Variants in SRGAP1 observed in about 807,000 individuals in gnomAD.
SRGAP1 encodes the protein SLIT-ROBO Rho GTPase activating protein 1.
In SRGAP1, 43 loss-of-function variants were observed where a neutral mutation model predicts 121.9. The observed-to-expected ratio is 0.35, with a 90% CI of 0.28 to 0.46. The LOEUF (loss-of-function observed/expected upper bound fraction) is 0.46, where lower values mean the gene tolerates loss of function less well. Ranked by LOEUF, SRGAP1 falls within the 20% of genes least tolerant of loss-of-function variation. The pLI is 1.00. For synonymous variants in SRGAP1, 447 were observed against 485.4 expected (o/e 0.92, Z 1.04); for missense variants, 1,102 against 1,350.9 (o/e 0.82, Z 2.89).
At chr12:64,054,377 A>C (rs2035298740) in intron 6 of SRGAP1, among the ~76,000 whole-genome samples, 1 of 152,202 alleles carries the variant, frequency 6.6e-6, no homozygotes, top group African/African-American at 2.4e-5. Flanking sequence ...TTTTCTGAAT[A>C]ATCAGCTACG....
At chr12:63,997,290 G>A (rs1388129207) in intron 3 of SRGAP1, among the ~76,000 whole-genome samples, 4 of 152,104 alleles carry the variant, frequency 2.6e-5, no homozygotes, top group Admixed American at 2.6e-4. Context: ...CCTAGGAACA[G>A]TAGATTATAC....
At chr12:63,875,691 T>C (rs1367262985) in intron 1 of SRGAP1, among the ~76,000 whole-genome samples, 2 of 152,192 alleles carry the variant, frequency 1.3e-5, no homozygotes, top group African/African-American at 4.8e-5. Context: ...ACTTGGAAGG[T>C]ATTTTGGTGG....
chr12:64,005,027 T>G (rs2034036513), intron 3 of SRGAP1, among the ~76,000 whole-genome samples: 1 of 152,212 alleles, frequency 6.6e-6, no homozygotes, highest in Non-Finnish European at 1.5e-5. Flanking sequence ...AAATATGCAT[T>G]TGCAGAAGAG....
At chr12:63,856,453 A>G (rs1213305768) in intron 1 of SRGAP1, among the ~76,000 whole-genome samples, 2 of 152,138 alleles carry the variant, frequency 1.3e-5, no homozygotes, top group Non-Finnish European at 2.9e-5. Flanking sequence ...CTTTCGGCGT[A>G]TGTTTTTAAT....
chr12:64,088,452 T>C (rs750414016), intron 11 of SRGAP1, among the ~76,000 whole-genome samples: 3 of 152,220 alleles, frequency 2.0e-5, no homozygotes, highest in African/African-American at 7.2e-5. Context: ...AGAGCTATAA[T>C]TGCCAAATAG....
chr12:63,903,134 C>A (rs572707288), intron 1 of SRGAP1, among the ~76,000 whole-genome samples: 98 of 152,036 alleles, frequency 6.4e-4, no homozygotes, highest in Non-Finnish European at 1.1e-3. Flanking sequence ...ATTTTAAGCA[C>A]GCTTTCAAGT....
intron 1 of SRGAP1, among the ~76,000 whole-genome samples, chr12:63,958,336 C>T (rs761139226): frequency 2.0e-5 from 3 of 152,102 alleles, no homozygotes; most frequent in African/African-American, 4.8e-5. Flanking sequence ...AGGGATGGTT[C>T]GGTTTACTCC....
chr12:64,068,246 C>G (rs1169658686), intron 8 of SRGAP1, among the ~76,000 whole-genome samples: 1 of 141,498 alleles, frequency 7.1e-6, no homozygotes, highest in African/African-American at 2.7e-5. Flanking sequence ...GCACTCCAGC[C>G]TGGGCAACAG....
At chr12:63,990,402 C>T (rs976958540) in intron 3 of SRGAP1, among the ~76,000 whole-genome samples, 25 of 152,044 alleles carry the variant, frequency 1.6e-4, no homozygotes, top group Admixed American at 1.1e-3. Flanking sequence ...CGTGGTGGCG[C>T]TTGCCTGTAG....
chr12:63,878,640 T>C (rs1900099856), intron 1 of SRGAP1: 1 of 152,226 alleles, frequency 6.6e-6, no homozygotes, highest in Admixed American at 6.5e-5. Context: ...ACGGTAGGGA[T>C]GATAGGGAAT....
Position 63,913,191 on chromosome 12 carries a change from CTTCTTTTTTTTT to C in SRGAP1, c.67+68311_67+68322del, listed in dbSNP as rs1466258862. On this transcript the variant is annotated intron_variant, in intron 1 of 21. Transcript: ENST00000355086. ...AGTGCAACCAATTTTCTGGTAAATC[CTTCTTTTTTTTT>C]TTTTTTTTTTTTTTTTTTTTTGAGA... Among the ~76,000 whole-genome samples, 22 of 111,812 alleles carry C rather than the reference CTTCTTTTTTTTT, an allele frequency of 2.0e-4. 1 individual carries two copies. The highest frequency in any genetic ancestry group is 4.3e-4 in the Admixed American group (4 of 9,346). 73.4% of individuals were successfully genotyped at this position (111,812 alleles called of 152,430 possible).
intron 1 of SRGAP1, among the ~76,000 whole-genome samples, chr12:63,962,362 C>T (rs2032667151): frequency 6.6e-6 from 1 of 152,188 alleles, no homozygotes; most frequent in Non-Finnish European, 1.5e-5. Context: ...AGAATTACCA[C>T]TTGTTCTAAC....
chr12:64,047,560 G>A (rs138586243), intron 6 of SRGAP1, among the ~76,000 whole-genome samples: 91 of 152,244 alleles, frequency 6.0e-4, no homozygotes, highest in African/African-American at 2.1e-3. Flanking sequence ...GACATGAAAG[G>A]CAGTAAATGT....
intron 1 of SRGAP1, among the ~76,000 whole-genome samples, chr12:63,954,128 C>T (rs559630545): frequency 6.6e-6 from 1 of 152,214 alleles, no homozygotes; most frequent in African/African-American, 2.4e-5. Flanking sequence ...TTGTTTTGCT[C>T]AACAAACTGT....
intron 21 of SRGAP1, among the ~76,000 whole-genome samples, chr12:64,139,221 T>C (rs1290261963): frequency 6.6e-6 from 1 of 152,106 alleles, no homozygotes; most frequent in African/African-American, 2.4e-5. Flanking sequence ...CACACATACA[T>C]CATATTACAA....
intron 1 of SRGAP1, among the ~76,000 whole-genome samples, chr12:63,846,249 T>A (rs933717862): frequency 5.3e-5 from 8 of 152,184 alleles, no homozygotes; most frequent in Admixed American, 1.3e-4. Flanking sequence ...AGATAAGTAA[T>A]TATTTTCTTA....
chr12:63,904,341 C>T (rs1003376703), intron 1 of SRGAP1, among the ~76,000 whole-genome samples: 2 of 152,128 alleles, frequency 1.3e-5, no homozygotes, highest in Non-Finnish European at 2.9e-5. Context: ...GTGCAACTCC[C>T]GTGTTGTGTC....
chr12:63,989,833 T>A lies in SRGAP1; in HGVS notation c.264-77T>A, dbSNP rs2033506290. On this transcript the variant is annotated intron_variant, in intron 2 of 21. Coordinates refer to ENST00000355086, the MANE Select transcript of SRGAP1 (RefSeq NM_020762.4). Reference sequence around the variant, plus strand: ...GTATCCATCTGTTGTGGTTCTTTAGTTTGCCTTGGTGACTTCACTCATCTG... The same window carrying A: ...GTATCCATCTGTTGTGGTTCTTTAGATTGCCTTGGTGACTTCACTCATCTG... 8.8e-6 allele frequency: 10 copies of A among 1,135,114 alleles called. No homozygotes were observed. In the South Asian group the frequency reaches 1.0e-4, roughly 12 times the overall value. 70.3% of individuals were successfully genotyped at this position (1,135,114 alleles called of 1,614,324 possible). A position where few individuals can be genotyped will look rare whatever the true frequency, so the allele number is the denominator to read the frequency against.
rs2036746444 is a variant in SRGAP1, at chr12:64,129,231, G to C, written c.2880+1031G>C. 3.3e-5 allele frequency among the ~76,000 whole-genome samples: 5 copies of C among 152,034 alleles called. 1 individual carries two copies. The South Asian group carries it at 1.0e-3, about 32-fold the overall frequency. ...CACACAATCACAGAGTCCCACAATAGGCCATCTGCAGGCTGAGGAGCAAGG... is the reference window on the plus strand; with the variant it reads ...CACACAATCACAGAGTCCCACAATACGCCATCTGCAGGCTGAGGAGCAAGG... On this transcript the variant is annotated intron_variant, in intron 21 of 21. Coordinates refer to ENST00000355086, the MANE Select transcript of SRGAP1 (RefSeq NM_020762.4).
Sources: gnomAD v4.1 joint callset for allele counts (sites outside exome capture counted in the v4.1 genomes callset) on GRCh38, gnomAD v4.1.1 for gene constraint, MANE v1.5 for transcripts, NCBI Gene and HGNC (gene_info 2026-07-23, HGNC 2026-07-21) for gene names.